Variants in PSD2 observed in about 807,000 individuals in gnomAD.
PSD2 encodes PH and SEC7 domain-containing protein 2.
PSD2 carries 38 observed loss-of-function variants against 69.8 expected under a neutral mutation model. That is an observed-to-expected ratio of 0.54 (90% CI 0.42 to 0.71). The LOEUF (loss-of-function observed/expected upper bound fraction) is 0.71. Among genes scored for constraint, PSD2 ranks in the 30% least tolerant of loss-of-function variants. The probability of loss-of-function intolerance (pLI) is 0.00; values close to 1 mark genes in which losing one functional copy is unlikely to be tolerated. For synonymous variants in PSD2, 412 were observed against 423.0 expected (o/e 0.97, Z 0.32); for missense variants, 943 against 1,014.5 (o/e 0.93, Z 0.96).
In PSD2 at chr5:139,816,921, C is replaced by T. The variant is rs148012360; in HGVS notation, c.1017-560C>T. Among the ~76,000 whole-genome samples, 1,098 of 152,302 alleles carry T rather than the reference C, an allele frequency of 7.2e-3. 7 individuals carry two copies. Among genetic ancestry groups the T allele is most frequent in the Non-Finnish European group, 0.013 (869 of 68,030 alleles). On this transcript the variant is annotated intron_variant, in intron 4 of 14. Coordinates refer to ENST00000274710, the MANE Select transcript of PSD2 (RefSeq NM_032289.4). Reference sequence around the variant, plus strand: ...CAGGGGACCACCTTCTTGGTCATGCCGCACGTCCATTCCATCTCCTTGTCT... The same window carrying T: ...CAGGGGACCACCTTCTTGGTCATGCTGCACGTCCATTCCATCTCCTTGTCT...
intron 1 of PSD2, among the ~76,000 whole-genome samples, chr5:139,804,924 C>T (rs773315499): frequency 3.4e-5 from 5 of 147,036 alleles, no homozygotes; most frequent in East Asian, 2.0e-4. Context: ...TGTCTGTGAA[C>T]GTGTGTGTGC....
intron 1 of PSD2, among the ~76,000 whole-genome samples, chr5:139,796,930 G>A (rs1402553079): frequency 6.6e-6 from 1 of 152,164 alleles, no homozygotes; most frequent in East Asian, 1.9e-4. Flanking sequence ...TCAGGATTTG[G>A]CCAGGGCAGG....
the PSD2 span, among the ~76,000 whole-genome samples, chr5:139,743,220 G>A: frequency 3.9e-5 from 6 of 152,194 alleles, no homozygotes; most frequent in African/African-American, 1.4e-4. Context: ...GGGGGATGGG[G>A]AGGGTATGGA....
chr5:139,757,653 C>G, the PSD2 span, among the ~76,000 whole-genome samples: 4 of 152,192 alleles, frequency 2.6e-5, no homozygotes, highest in Admixed American at 1.3e-4. Flanking sequence ...CTTCACAACT[C>G]TAAATATCTC....
intron 4 of PSD2, among the ~76,000 whole-genome samples, chr5:139,815,029 G>A (rs1204904794): frequency 6.6e-6 from 1 of 152,074 alleles, no homozygotes; most frequent in East Asian, 1.9e-4. Context: ...AAGGCTCTGA[G>A]CTGTGCAGGA....
intron 4 of PSD2, 137 bp from the exon 5 acceptor site, chr5:139,817,344 A>T: frequency 1.4e-6 from 1 of 723,556 alleles, no homozygotes; most frequent in Non-Finnish European, 2.4e-6. Flanking sequence ...TTATGGCCCA[A>T]CTAGCCAGCA....
At position 139,814,380 on chromosome 5, in the gene PSD2, C is replaced by A; in HGVS notation, c.1016+16C>A. 6.3e-7 allele frequency: 1 copy of A among 1,581,468 alleles called. No individual in the cohort carries two copies. On this transcript the variant is annotated intron_variant, in intron 4 of 14. Coordinates refer to ENST00000274710, the MANE Select transcript of PSD2 (RefSeq NM_032289.4). The surrounding 1 kb of genome is among the most constrained non-coding windows in gnomAD (Gnocchi z 4.4). ...TGGGCAAGAAGTGAGTGTGAGCTCC[C>A]CTGCCCCCAACCCTGGGCAAACCTC...
chr5:139,764,638 C>G, the PSD2 span, among the ~76,000 whole-genome samples: 3 of 152,154 alleles, frequency 2.0e-5, no homozygotes. Flanking sequence ...GGCAGGAGGC[C>G]GAGCCTGGCA....
chr5:139,813,250 C>A lies in PSD2; in HGVS notation c.372-59C>A. On this transcript the variant is annotated intron_variant, in intron 2 of 14. Coordinates refer to ENST00000274710, the MANE Select transcript of PSD2 (RefSeq NM_032289.4). ...TCCCAGACACAGATGAGTGTAGTCA[C>A]CAGCACCTGTATGGGGGACAGCTTG... 2.1e-6 allele frequency: 3 copies of A among 1,423,926 alleles called. No individual in the cohort carries two copies. The South Asian group carries it at 4.2e-5, about 20-fold the overall frequency. The allele number at this position is 1,423,926 out of a possible 1,614,324, so 88.2% of individuals were successfully genotyped here.
At chr5:139,835,815 G>T (rs747597525) in intron 9 of PSD2, 49 bp downstream of exon 9, 1 of 1,562,872 alleles carries the variant, frequency 6.4e-7, no homozygotes, top group South Asian at 1.1e-5. Context: ...ATCCCTGGGT[G>T]GGGGAGTGTG....
chr5:139,789,005 C>T, the PSD2 span, among the ~76,000 whole-genome samples: 1 of 152,208 alleles, frequency 6.6e-6, no homozygotes, highest in African/African-American at 2.4e-5. Flanking sequence ...AGTGGTGGGT[C>T]ACGTTGTCCT....
At chr5:139,816,761 C>T (rs1206718292) in intron 4 of PSD2, among the ~76,000 whole-genome samples, 4 of 152,210 alleles carry the variant, frequency 2.6e-5, no homozygotes, top group East Asian at 1.9e-4. Flanking sequence ...CACCCCGATT[C>T]GGGGCTCTGG....
upstream of PSD2, among the ~76,000 whole-genome samples, chr5:139,792,741 T>TTTTC (rs974093553): frequency 2.6e-5 from 4 of 151,896 alleles, no homozygotes; most frequent in African/African-American, 7.2e-5. Flanking sequence ...TCTCTTTCTT[T>TTTTC]TTTCTTTCTT....
At chr5:139,744,917 G>A in the PSD2 span, 1 of 152,454 alleles carries the variant, frequency 6.6e-6, no homozygotes, top group South Asian at 2.1e-4. Flanking sequence ...ACATTCAGGA[G>A]GGCATGGTTT....
At chr5:139,742,778 C>T in the PSD2 span, among the ~76,000 whole-genome samples, 103 of 152,248 alleles carry the variant, frequency 6.8e-4, no homozygotes, top group Non-Finnish European at 1.3e-3. Flanking sequence ...GTATCTGGAG[C>T]CTGGGCTCTC....
chr5:139,830,521 TCTTCCTTCCTTCCTTC>T (rs534774072), intron 7 of PSD2, among the ~76,000 whole-genome samples: 11 of 96,976 alleles, frequency 1.1e-4, no homozygotes, highest in African/African-American at 3.8e-4. Flanking sequence ...CAGCTAATTT[TCTTCCTTCCTTCCTTC>T]CTTCCTTCCT....
At chr5:139,825,913 G>A (rs767682339) in intron 7 of PSD2, among the ~76,000 whole-genome samples, 1 of 152,286 alleles carries the variant, frequency 6.6e-6, no homozygotes, top group East Asian at 1.9e-4. Flanking sequence ...CCAAGTCCTG[G>A]GGCTCAGCGT....
At chr5:139,815,732 G>A (rs1434101424) in intron 4 of PSD2, among the ~76,000 whole-genome samples, 1 of 152,104 alleles carries the variant, frequency 6.6e-6, no homozygotes, top group African/African-American at 2.4e-5. Context: ...AGTGGCTCAT[G>A]CCTGTAATCC....
At chr5:139,769,954 T>C in the PSD2 span, among the ~76,000 whole-genome samples, 1 of 152,202 alleles carries the variant, frequency 6.6e-6, no homozygotes, top group African/African-American at 2.4e-5. Flanking sequence ...CATAATTTCA[T>C]CTTTGAACTT....
Sources: allele counts gnomAD v4.1 joint callset (sites outside exome capture counted in the v4.1 genomes callset), GRCh38; gene constraint gnomAD v4.1.1; non-coding constraint Gnocchi (gnomAD v3.1); transcripts MANE v1.5; gene names NCBI Gene and HGNC (gene_info 2026-07-23, HGNC 2026-07-21).